The following TTC27 variants were observed in gnomAD, a reference collection of about 807,000 sequenced individuals.
TTC27 encodes tetratricopeptide repeat domain 27.
TTC27 carries 79 observed loss-of-function variants against 115.9 expected under a neutral mutation model. The ratio of observed to expected loss-of-function variants is 0.68; its 90% CI spans 0.57 to 0.82. The LOEUF (loss-of-function observed/expected upper bound fraction) is 0.82. Ranked by LOEUF, TTC27 falls within the 40% of genes least tolerant of loss-of-function variation. The pLI, the probability that TTC27 is intolerant of heterozygous loss-of-function variation, is 0.00. For missense variants in TTC27, 1,054 were observed against 993.1 expected, an observed-to-expected ratio of 1.06 and a Z score of -0.82; for synonymous variants, 401 against 356.0, an observed-to-expected ratio of 1.13 and a Z score of -1.42.
intron 12 of TTC27, 69 bp downstream of exon 12, chr2:32,736,885 G>T: frequency 6.5e-7 from 1 of 1,534,442 alleles, no homozygotes; most frequent in South Asian, 1.3e-5. Context: ...CACTTGTTTT[G>T]TTTTTCAAAC....
intron 7 of TTC27, among the ~76,000 whole-genome samples, chr2:32,670,359 C>A (rs1442282249): frequency 6.6e-6 from 1 of 152,142 alleles, no homozygotes; most frequent in Non-Finnish European, 1.5e-5. Context: ...AAAGTTTCTC[C>A]AAAGAGTGCC....
chr2:32,726,687 G>T (rs1668118594), intron 10 of TTC27, among the ~76,000 whole-genome samples: 1 of 152,212 alleles, frequency 6.6e-6, no homozygotes, highest in East Asian at 1.9e-4. Flanking sequence ...CAGTTCCAAA[G>T]TTGCTTCCAC....
intron 16 of TTC27, among the ~76,000 whole-genome samples, chr2:32,810,114 CA>C (rs60347156): frequency 8.7e-4 from 113 of 130,454 alleles, no homozygotes; most frequent in Non-Finnish European, 8.2e-4. Flanking sequence ...GACTCTGTCT[CA>C]AAAAAAAAAA....
intron 15 of TTC27, among the ~76,000 whole-genome samples, chr2:32,783,059 T>C (rs1312941942): frequency 6.6e-6 from 1 of 152,168 alleles, no homozygotes; most frequent in Non-Finnish European, 1.5e-5. Context: ...TAAATAAATA[T>C]GAACCAATGT....
chr2:32,650,051 A>T (rs1665032137), intron 4 of TTC27, 80 bp from the exon 5 acceptor site: 2 of 1,197,350 alleles, frequency 1.7e-6, no homozygotes, highest in Non-Finnish European at 2.4e-6. Flanking sequence ...AATGTAAAAA[A>T]ATTCTAAAAA....
intron 9 of TTC27, among the ~76,000 whole-genome samples, chr2:32,685,666 A>G (rs1559205461): frequency 6.6e-6 from 1 of 152,208 alleles, no homozygotes; most frequent in Admixed American, 6.5e-5. Flanking sequence ...AAAGCCTTTG[A>G]CAAAATTCAA....
At chr2:32,703,298 C>T (rs546502774) in intron 10 of TTC27, among the ~76,000 whole-genome samples, 1 of 152,272 alleles carries the variant, frequency 6.6e-6, no homozygotes, top group Admixed American at 6.5e-5. Flanking sequence ...GAAACCCCGT[C>T]TCTACTGAAA....
chr2:32,694,847 A>T (rs780523367), intron 9 of TTC27, among the ~76,000 whole-genome samples: 48 of 146,294 alleles, frequency 3.3e-4, no homozygotes, highest in Non-Finnish European at 4.1e-4. Flanking sequence ...TTTTTTTTTT[A>T]TTTTTATTTT....
intron 4 of TTC27, among the ~76,000 whole-genome samples, chr2:32,642,419 T>A (rs997250739): frequency 6.6e-6 from 1 of 151,556 alleles, no homozygotes; most frequent in Admixed American, 6.6e-5. Context: ...GTTTGGCTAA[T>A]TTTTTGTATT....
intron 5 of TTC27, among the ~76,000 whole-genome samples, chr2:32,657,417 G>C (rs941242612): frequency 2.1e-5 from 3 of 143,408 alleles, no homozygotes; most frequent in African/African-American, 7.8e-5. Context: ...GCAGTGGCAT[G>C]ATCTTGGCTC....
At chr2:32,775,258 C>T (rs1363293515) in intron 13 of TTC27, among the ~76,000 whole-genome samples, 2 of 152,158 alleles carry the variant, frequency 1.3e-5, no homozygotes, top group Non-Finnish European at 2.9e-5. Context: ...AGTGCAGTGG[C>T]GCCATCTCAG....
intron 10 of TTC27, among the ~76,000 whole-genome samples, chr2:32,721,053 A>C (rs778321779): frequency 1.3e-5 from 2 of 152,144 alleles, no homozygotes; most frequent in Admixed American, 6.5e-5. Context: ...CTAGTCATTT[A>C]AGCTGACCAT....
At chr2:32,720,696 C>G (rs1667895984) in intron 10 of TTC27, among the ~76,000 whole-genome samples, 1 of 152,124 alleles carries the variant, frequency 6.6e-6, no homozygotes. Flanking sequence ...ACCCTATGTG[C>G]TCCTAAGAAG....
intron 1 of TTC27, among the ~76,000 whole-genome samples, chr2:32,628,906 A>T (rs1022178826): frequency 1.3e-5 from 2 of 150,984 alleles, no homozygotes; most frequent in African/African-American, 2.4e-5. Flanking sequence ...GATTACAGGC[A>T]TGCGCCACCA....
At chr2:32,727,964 T>G (rs1432551492) in intron 10 of TTC27, among the ~76,000 whole-genome samples, 3 of 151,760 alleles carry the variant, frequency 2.0e-5, no homozygotes, top group Non-Finnish European at 4.4e-5. Context: ...AAGGTTGAAC[T>G]GCTCACCCAA....
chr2:32,779,092 C>T (rs372452491), intron 14 of TTC27, among the ~76,000 whole-genome samples: 3 of 152,198 alleles, frequency 2.0e-5, no homozygotes, highest in South Asian at 2.1e-4. Context: ...GGCGTGATGA[C>T]GCATGCCGTG....
In TTC27 at chr2:32,820,812, A is replaced by G. The variant is rs752749468; in HGVS notation, c.2410-4A>G. ...ATACTTCTGCTTTGTTTTTTATATT[A>G]CAGCAACTTTTTACAGATGTGGCAA... On this transcript the variant is annotated splice_region_variant and splice_polypyrimidine_tract_variant and intron_variant, in intron 19 of 19. Transcript: ENST00000317907. The G allele has an allele frequency of 4.6e-6, 7 of 1,529,890 alleles. No individual in the cohort carries two copies. Among genetic ancestry groups the G allele is most frequent in the Non-Finnish European group, 6.2e-6 (7 of 1,134,352 alleles). The allele number at this position is 1,529,890 out of a possible 1,614,324, so 94.8% of individuals were successfully genotyped here.
intron 1 of TTC27, among the ~76,000 whole-genome samples, chr2:32,629,445 A>AT (rs1254172930): frequency 6.8e-6 from 1 of 147,470 alleles, no homozygotes; most frequent in Non-Finnish European, 1.5e-5. Context: ...TATTTTTTTT[A>AT]TTTTTTTGAG....
chr2:32,672,392 A>G lies in TTC27; in HGVS notation c.1052+8A>G, dbSNP rs1477452754. ...TATTATTCTTGGAATCTGGTGAGTT[A>G]ATGACTGACTTGGCTGCTTTGAACA... is the stretch of plus-strand genomic sequence containing the variant. On this transcript the variant is annotated splice_region_variant and intron_variant, in intron 8 of 19. Transcript: ENST00000317907. The G allele has an allele frequency of 6.3e-7, 1 of 1,599,864 alleles. No homozygotes were observed. The highest frequency in any genetic ancestry group is 8.6e-7 in the Non-Finnish European group (1 of 1,167,486).
Sources: allele counts gnomAD v4.1 joint callset (sites outside exome capture counted in the v4.1 genomes callset), GRCh38; gene constraint gnomAD v4.1.1; transcripts MANE v1.5; gene names NCBI Gene and HGNC (gene_info 2026-07-23, HGNC 2026-07-21).